BTBD9: variants seen among roughly 807,000 people sequenced by gnomAD.
BTBD9 encodes BTB domain containing 9.
A neutral mutation model predicts 64.3 loss-of-function variants in BTBD9; 49 were observed. The observed-to-expected ratio is 0.76, with a 90% CI of 0.61 to 0.97. BTBD9 has a LOEUF of 0.97. BTBD9 is among the 50% of genes least tolerant of loss of function. The probability of loss-of-function intolerance (pLI) is 0.00; values close to 1 mark genes in which losing one functional copy is unlikely to be tolerated. For missense variants in BTBD9, 598 were observed against 762.1 expected (o/e 0.78, Z 2.53); for synonymous variants, 260 against 274.7 (o/e 0.95, Z 0.53).
intron 6 of BTBD9, among the ~76,000 whole-genome samples, chr6:38,557,015 CAAAAAAAAAAAAAAAAAAAAAAA>C (rs397888418): frequency 7.1e-4 from 11 of 15,406 alleles, no homozygotes; most frequent in East Asian, 5.1e-3. Flanking sequence ...TCCATCTCAC[CAAAAAAAAAAAAAAAAAAAAAAA>C]AAAAAAAAAA....
chr6:38,496,085 A>G (rs1000841528), intron 6 of BTBD9, among the ~76,000 whole-genome samples: 2 of 152,158 alleles, frequency 1.3e-5, no homozygotes, highest in African/African-American at 4.8e-5. Context: ...GCAGCTGAAG[A>G]GGCCTGATGT....
In BTBD9 at chr6:38,174,575, C is replaced by A. The variant is rs2127468381; in HGVS notation, c.*410G>T. ...CAGCAGAATGAACACTCTATGGAGG[C>A]CCATTCCTAAAGGGTGCCTCCAGGT... On this transcript the variant is annotated 3_prime_UTR_variant, in exon 11 of 11. Coordinates refer to ENST00000481247, the MANE Select transcript of BTBD9 (RefSeq NM_001099272.2). 1.0e-5 allele frequency: 2 copies of A among 191,190 alleles called. No homozygotes were observed. Among genetic ancestry groups the A allele is most frequent in the Middle Eastern group, 2.0e-3 (1 of 490 alleles). The allele number at this position is 191,190 out of a possible 1,614,324, so 11.8% of individuals were successfully genotyped here.
intron 9 of BTBD9, among the ~76,000 whole-genome samples, chr6:38,210,099 C>T (rs1459347471): frequency 3.9e-5 from 6 of 152,042 alleles, no homozygotes; most frequent in Non-Finnish European, 7.4e-5. Flanking sequence ...TTTTAATGCT[C>T]GACGTCTCAC....
At chr6:38,587,941 T>C (rs923006214) in intron 4 of BTBD9, 2 of 725,790 alleles carry the variant, frequency 2.8e-6, no homozygotes, top group African/African-American at 3.5e-5. Context: ...CAGAAGACTG[T>C]TCAGGAACAT....
intron 6 of BTBD9, among the ~76,000 whole-genome samples, chr6:38,505,356 G>A (rs1350517999): frequency 6.6e-6 from 1 of 152,154 alleles, no homozygotes; most frequent in African/African-American, 2.4e-5. Context: ...CAGGTGCGGT[G>A]GCTCACACCT....
chr6:38,464,585 TC>T (rs1414475778), intron 6 of BTBD9, among the ~76,000 whole-genome samples: 2 of 152,146 alleles, frequency 1.3e-5, no homozygotes, highest in African/African-American at 4.8e-5. Flanking sequence ...AACTTCCACT[TC>T]CTGGGCTCAA....
At chr6:38,568,750 T>C (rs1775630891) in intron 6 of BTBD9, among the ~76,000 whole-genome samples, 1 of 152,262 alleles carries the variant, frequency 6.6e-6, no homozygotes, top group South Asian at 2.1e-4. Flanking sequence ...CAAAAGTCAC[T>C]AACTCAAGTC....
chr6:38,171,880 AAATAATAATAATAATAAT>A lies in BTBD9; in HGVS notation c.*3087_*3104del, dbSNP rs1291715173. On this transcript the variant is annotated 3_prime_UTR_variant, in exon 11 of 11. Transcript: ENST00000481247. ...AAAAAAAAAAAAAAAAAAAAAAAAA[AAATAATAATAATAATAAT>A]AATAATAATAATGAAAAGTGAAGGG... The A allele has an allele frequency of 1.1e-5, 1 of 89,560 alleles. No homozygotes were observed. Among genetic ancestry groups the A allele is most frequent in the Non-Finnish European group, 2.0e-5 (1 of 50,206 alleles). The allele number at this position is 89,560 out of a possible 1,614,324, so 5.5% of individuals were successfully genotyped here.
At chr6:38,175,806 T>C (rs1761213343) in intron 10 of BTBD9, among the ~76,000 whole-genome samples, 1 of 152,228 alleles carries the variant, frequency 6.6e-6, no homozygotes, top group Non-Finnish European at 1.5e-5. Context: ...TGATGCATAG[T>C]TCTCCTGGCC....
In BTBD9 at chr6:38,453,628, A is replaced by AC. The variant is rs757399315; in HGVS notation, c.1155-108536dup. 9.2e-5 allele frequency among the ~76,000 whole-genome samples: 14 copies of AC among 152,124 alleles called. No individual in the cohort carries two copies. The East Asian group carries it at 2.7e-3, about 29-fold the overall frequency. On this transcript the variant is annotated intron_variant, in intron 6 of 10. Transcript: ENST00000481247. ...TAGTTGAGGGTGTAGCTACAGCAACACCCCCCTGAGGACAGCCTGACAACT... is the reference window on the plus strand; with the variant it reads ...TAGTTGAGGGTGTAGCTACAGCAACACCCCCCCTGAGGACAGCCTGACAACT...
chr6:38,380,130 T>C (rs1190599199), intron 6 of BTBD9, among the ~76,000 whole-genome samples: 2 of 152,174 alleles, frequency 1.3e-5, no homozygotes, highest in Non-Finnish European at 2.9e-5. Flanking sequence ...ATGCCTGTAT[T>C]ACTTTAATAA....
intron 9 of BTBD9, among the ~76,000 whole-genome samples, chr6:38,226,294 A>G (rs1763390383): frequency 6.6e-6 from 1 of 152,166 alleles, no homozygotes; most frequent in South Asian, 2.1e-4. Context: ...ACATATGTAT[A>G]AGCAACTGTC....
At chr6:38,255,998 A>C (rs1236875097) in intron 9 of BTBD9, among the ~76,000 whole-genome samples, 3 of 151,944 alleles carry the variant, frequency 2.0e-5, no homozygotes, top group African/African-American at 7.3e-5. Flanking sequence ...CAGCAAACCA[A>C]CATGGCACAT....
intron 1 of BTBD9, among the ~76,000 whole-genome samples, chr6:38,628,548 G>T: frequency 6.6e-6 from 1 of 152,126 alleles, no homozygotes; most frequent in East Asian, 1.9e-4. Flanking sequence ...CACGAAAAGG[G>T]GAATGGGTAG....
chr6:38,443,515 TA>T (rs1405496395), intron 6 of BTBD9, among the ~76,000 whole-genome samples: 5 of 152,338 alleles, frequency 3.3e-5, no homozygotes, highest in African/African-American at 1.2e-4. Flanking sequence ...CATACAGTGC[TA>T]CCACTTCCTC....
At chr6:38,489,810 T>G (rs1399395146) in intron 6 of BTBD9, among the ~76,000 whole-genome samples, 1 of 152,246 alleles carries the variant, frequency 6.6e-6, no homozygotes, top group African/African-American at 2.4e-5. Flanking sequence ...ACACGTCCTA[T>G]TCCCATTTTT....
At chr6:38,267,135 A>T (rs1391765459) in intron 8 of BTBD9, among the ~76,000 whole-genome samples, 1 of 152,244 alleles carries the variant, frequency 6.6e-6, no homozygotes, top group African/African-American at 2.4e-5. Context: ...GATAGGGCTT[A>T]GCTCCCAGGC....
chr6:38,634,739 CTG>C (rs1231879179), intron 1 of BTBD9, among the ~76,000 whole-genome samples: 1 of 152,128 alleles, frequency 6.6e-6, no homozygotes, highest in Non-Finnish European at 1.5e-5. Flanking sequence ...TAAATGAAAT[CTG>C]TGTGTGAGGT....
chr6:38,205,892 G>GAAAAAA (rs1762628139), intron 9 of BTBD9, among the ~76,000 whole-genome samples: 1 of 94,062 alleles, frequency 1.1e-5, no homozygotes, highest in Non-Finnish European at 2.0e-5. Context: ...AAAAAAAAAA[G>GAAAAAA]AAAGAAAGAA....
Sources: allele counts gnomAD v4.1 joint callset (sites outside exome capture counted in the v4.1 genomes callset), GRCh38; gene constraint gnomAD v4.1.1; transcripts MANE v1.5; gene names NCBI Gene and HGNC (gene_info 2026-07-23, HGNC 2026-07-21).